LIPI: variants seen among roughly 807,000 people sequenced by gnomAD.
The protein encoded by LIPI is lipase I, also known as lipase member I.
LIPI carries 59 observed loss-of-function variants against 50.6 expected under a neutral mutation model. The ratio of observed to expected loss-of-function variants is 1.16; its 90% CI spans 0.94 to 1.45. LIPI has a LOEUF of 1.45. Ranked by LOEUF, LIPI falls within the 40% of genes most tolerant of loss-of-function variation. The pLI is 0.00. For synonymous variants in LIPI, 203 were observed against 178.2 expected (o/e 1.14, Z -1.11); for missense variants, 586 against 536.3 (o/e 1.09, Z -0.92).
At chr21:14,163,358 T>C in intron 7 of LIPI, 61 bp downstream of exon 7, 2 of 794,616 alleles carry the variant, frequency 2.5e-6, no homozygotes, top group Non-Finnish European at 4.5e-6. Context: ...TTGAATCAAA[T>C]GTAGATTAGT....
chr21:14,154,578 AT>A (rs1448708167), intron 7 of LIPI, among the ~76,000 whole-genome samples: 2 of 152,044 alleles, frequency 1.3e-5, no homozygotes, highest in Non-Finnish European at 2.9e-5. Context: ...TAAATGAGAA[AT>A]GGAAGGAAAA....
At chr21:14,192,952 T>C (rs1292050721) in intron 1 of LIPI, among the ~76,000 whole-genome samples, 1 of 152,146 alleles carries the variant, frequency 6.6e-6, no homozygotes, top group Non-Finnish European at 1.5e-5. Flanking sequence ...TAAAGACAAA[T>C]ATATGACAAA....
intron 7 of LIPI, among the ~76,000 whole-genome samples, chr21:14,161,761 CATTATT>C: frequency 1.8e-5 from 1 of 56,240 alleles, no homozygotes; most frequent in Non-Finnish European, 3.0e-5. Context: ...ATAATATATA[CATTATT>C]ATATATTAAT....
intron 9 of LIPI, among the ~76,000 whole-genome samples, chr21:14,113,644 C>CA (rs929392474): frequency 1.3e-5 from 2 of 151,760 alleles, no homozygotes; most frequent in Non-Finnish European, 2.9e-5. Context: ...AAAAAAATCT[C>CA]AAAAAAATAG....
chr21:14,149,954 T>C (rs1409277350), intron 8 of LIPI, among the ~76,000 whole-genome samples: 3 of 152,200 alleles, frequency 2.0e-5, no homozygotes, highest in Non-Finnish European at 4.4e-5. Flanking sequence ...ATCTAGAGTC[T>C]GGAGGAATGT....
At chr21:14,117,881 C>A (rs1164165050) in intron 9 of LIPI, among the ~76,000 whole-genome samples, 1 of 151,910 alleles carries the variant, frequency 6.6e-6, no homozygotes, top group Non-Finnish European at 1.5e-5. Flanking sequence ...AAGGAAAAGG[C>A]AGAGTTCTTG....
At chr21:14,178,671 T>G (rs1207580351) in intron 4 of LIPI, among the ~76,000 whole-genome samples, 1 of 152,186 alleles carries the variant, frequency 6.6e-6, no homozygotes. Context: ...AAGCACATTT[T>G]TTATAGCCAG....
chr21:14,117,725 T>C (rs1165986546), intron 9 of LIPI, among the ~76,000 whole-genome samples: 2 of 152,134 alleles, frequency 1.3e-5, no homozygotes, highest in African/African-American at 4.8e-5. Flanking sequence ...GCAGCATTCA[T>C]GAGTGAAGCA....
At chr21:14,114,343 C>T (rs1378963609) in intron 9 of LIPI, among the ~76,000 whole-genome samples, 2 of 152,090 alleles carry the variant, frequency 1.3e-5, no homozygotes, top group African/African-American at 4.8e-5. Context: ...TGGCTACAGG[C>T]CTGTTTTGAA....
At chr21:14,110,135 A>G (rs1263444414) in intron 9 of LIPI, among the ~76,000 whole-genome samples, 1 of 151,866 alleles carries the variant, frequency 6.6e-6, no homozygotes, top group Non-Finnish European at 1.5e-5. Context: ...AAAAAGAAAT[A>G]TAGTAATAAA....
chr21:14,124,201 A>G (rs1175558988), intron 9 of LIPI, among the ~76,000 whole-genome samples: 1 of 152,186 alleles, frequency 6.6e-6, no homozygotes, highest in Non-Finnish European at 1.5e-5. Flanking sequence ...TGATGGTGCT[A>G]CAAAAATACC....
At chr21:14,192,467 A>G (rs1178129880) in intron 1 of LIPI, among the ~76,000 whole-genome samples, 1 of 152,196 alleles carries the variant, frequency 6.6e-6, no homozygotes, top group Admixed American at 6.5e-5. Context: ...CTGTCTCAAA[A>G]CAAACAAAGA....
chr21:14,114,228 C>T lies in LIPI; in HGVS notation c.1296-5148G>A, dbSNP rs185354315. On this transcript the variant is annotated intron_variant, in intron 9 of 9. Transcript: ENST00000681601. ...TCATGGGAACTAACTATCACAGGAA[C>T]AGGATGGGGGAACCACCACAATGAA... Among the ~76,000 whole-genome samples, 286 of 151,172 alleles carry T rather than the reference C, an allele frequency of 1.9e-3. 1 individual carries two copies. Among genetic ancestry groups the T allele is most frequent in the African/African-American group, 6.3e-3 (260 of 41,166 alleles).
chr21:14,163,372 A>T (rs2018560875), intron 7 of LIPI, 47 bp downstream of exon 7: 1 of 958,160 alleles, frequency 1.0e-6, no homozygotes, highest in Admixed American at 1.7e-5. Flanking sequence ...GATTAGTGCA[A>T]AAAAAACTAA....
intron 7 of LIPI, among the ~76,000 whole-genome samples, chr21:14,160,171 A>T (rs1167644768): frequency 6.6e-6 from 1 of 151,394 alleles, no homozygotes; most frequent in African/African-American, 2.4e-5. Context: ...GAAGATCTAA[A>T]ATAATCATGA....
At position 14,189,023 on chromosome 21, in the gene LIPI, C is replaced by G. The variant is rs758630655; in HGVS notation, c.432+11G>C. On this transcript the variant is annotated intron_variant, in intron 2 of 9. Coordinates refer to ENST00000681601, the MANE Select transcript of LIPI (RefSeq NM_001302998.2). ...TATAGCATGTATAATACATAAAATT[C>G]CCAGACTTACCAAAAGATTTTTAAT... The G allele has an allele frequency of 3.1e-6, 5 of 1,599,146 alleles. No homozygotes were observed. In the Admixed American group the frequency reaches 8.3e-5, roughly 27 times the overall value.
chr21:14,189,123 G>C lies in LIPI; in HGVS notation c.343C>G (p.Arg115Gly). 6.2e-7 allele frequency: 1 copy of C among 1,613,416 alleles called. No individual in the cohort carries two copies. ...DMNVIVVDWS[R>G]GATTFIYNRA... ...TTATAAATAAAAGTTGTAGCACCCCGGCTCCAGTCTACTACAATTACATTC... is the reference window on the plus strand; with the variant it reads ...TTATAAATAAAAGTTGTAGCACCCCCGCTCCAGTCTACTACAATTACATTC... Residue 115 changes from arginine (R) to glycine (G), a missense_variant, in exon 2 of 10, where the codon CGG becomes GGG. Physicochemically the swap from Arg to Gly is moderately radical, Grantham distance 125 (BLOSUM62 -2). Coordinates refer to ENST00000681601, the MANE Select transcript of LIPI (RefSeq NM_001302998.2).
chr21:14,168,074 G>A (rs1056556496), intron 4 of LIPI, among the ~76,000 whole-genome samples: 2 of 152,212 alleles, frequency 1.3e-5, no homozygotes, highest in Non-Finnish European at 2.9e-5. Context: ...GAATGCAGAA[G>A]ACTCAGGGGC....
At chr21:14,202,484 G>C (rs1244096525) in intron 1 of LIPI, among the ~76,000 whole-genome samples, 1 of 152,008 alleles carries the variant, frequency 6.6e-6, no homozygotes, top group African/African-American at 2.4e-5. Flanking sequence ...CCAAAACAGA[G>C]ATATAGATCA....
Sources: allele counts gnomAD v4.1 joint callset (sites outside exome capture counted in the v4.1 genomes callset), GRCh38; gene constraint gnomAD v4.1.1; transcripts MANE v1.5; gene names NCBI Gene and HGNC (gene_info 2026-07-23, HGNC 2026-07-21).